IL23R: variants seen among roughly 807,000 people sequenced by gnomAD.
The protein encoded by IL23R is interleukin 23 receptor.
In IL23R, 34 loss-of-function variants were observed where a neutral mutation model predicts 56.9. The observed-to-expected ratio is 0.60, with a 90% CI of 0.45 to 0.80. The LOEUF (loss-of-function observed/expected upper bound fraction) is 0.80, where lower values mean the gene tolerates loss of function less well. IL23R is among the 30% of genes least tolerant of loss of function. IL23R has a pLI of 0.00. For synonymous variants in IL23R, 230 were observed against 249.2 expected (o/e 0.92, Z 0.73); for missense variants, 635 against 730.0 (o/e 0.87, Z 1.50).
chr1:67,200,948 A>T, intron 5 of IL23R, 51 bp downstream of exon 5: 1 of 1,578,556 alleles, frequency 6.3e-7, no homozygotes. Flanking sequence ...GTTTGTGCTG[A>T]CCTTGTCAAA....
chr1:67,171,389 G>T (rs1646942188), intron 3 of IL23R, among the ~76,000 whole-genome samples: 1 of 152,164 alleles, frequency 6.6e-6, no homozygotes, highest in Non-Finnish European at 1.5e-5. Context: ...TGCTCTGAGT[G>T]TCCTGGAGGT....
intron 2 of IL23R, 80 bp downstream of exon 2, chr1:67,168,270 G>A: frequency 9.5e-7 from 1 of 1,051,938 alleles, no homozygotes; most frequent in Non-Finnish European, 1.5e-6. Flanking sequence ...ATGGTTTTAT[G>A]TTAGAATCTC....
chr1:67,169,669 C>T (rs779329843), intron 3 of IL23R, 31 bp downstream of exon 3: 8 of 1,593,100 alleles, frequency 5.0e-6, no homozygotes, highest in South Asian at 1.1e-5. Context: ...GAAATGCAAA[C>T]AAAAGCTAGT....
chr1:67,213,772 T>G (rs1444001324), intron 6 of IL23R, among the ~76,000 whole-genome samples: 1 of 152,212 alleles, frequency 6.6e-6, no homozygotes, highest in Admixed American at 6.5e-5. Flanking sequence ...CGCTTAATGA[T>G]GCATTTCTCA....
downstream of IL23R, among the ~76,000 whole-genome samples, chr1:67,262,313 G>A (rs1304417065): frequency 1.3e-5 from 2 of 152,108 alleles, no homozygotes; most frequent in Non-Finnish European, 2.9e-5. Flanking sequence ...TTTAGTAGGG[G>A]AAGAGGCCAG....
intron 5 of IL23R, among the ~76,000 whole-genome samples, chr1:67,201,556 A>AG (rs1648634894): frequency 6.6e-6 from 1 of 151,776 alleles, no homozygotes. Context: ...GAAGGCAAAA[A>AG]AAAAAAAAAC....
At chr1:67,207,125 GT>G in intron 6 of IL23R, 70 bp downstream of exon 6, 1 of 1,423,686 alleles carries the variant, frequency 7.0e-7, no homozygotes, top group Non-Finnish European at 9.9e-7. Context: ...AGTGGCTACA[GT>G]GGACTTATTA....
At chr1:67,155,485 A>G (rs1646763629) in intron 1 of IL23R, among the ~76,000 whole-genome samples, 1 of 151,924 alleles carries the variant, frequency 6.6e-6, no homozygotes, top group South Asian at 2.1e-4. Flanking sequence ...GGCTTTGTTC[A>G]TTCCTTTTCA....
Position 67,194,574 on chromosome 1 carries a change from G to A in IL23R, c.492-6163G>A, listed in dbSNP as rs140246104. Reference sequence around the variant, plus strand: ...ATTAAAACAGTGCTTTGTGGTCTAGGTGCTAATATGGGGTAGACTTTAAAA... The same window carrying A: ...ATTAAAACAGTGCTTTGTGGTCTAGATGCTAATATGGGGTAGACTTTAAAA... On this transcript the variant is annotated intron_variant, in intron 4 of 10. Transcript: ENST00000347310. Among the ~76,000 whole-genome samples the A allele has an allele frequency of 2.8e-3, 427 of 152,310 alleles. 2 individuals carry two copies. Among genetic ancestry groups the A allele is most frequent in the African/African-American group, 9.9e-3 (410 of 41,566 alleles).
chr1:67,172,405 T>A (rs960054543), intron 3 of IL23R, among the ~76,000 whole-genome samples: 5 of 152,208 alleles, frequency 3.3e-5, no homozygotes, highest in African/African-American at 9.6e-5. Context: ...TATTTTAAAG[T>A]GCTGTGCTTT....
At chr1:67,232,113 AT>A (rs1032138268) in intron 7 of IL23R, among the ~76,000 whole-genome samples, 6 of 152,052 alleles carry the variant, frequency 3.9e-5, no homozygotes, top group African/African-American at 1.2e-4. Context: ...GACTGTTAAC[AT>A]TTTTTTTAAA....
intron 6 of IL23R, among the ~76,000 whole-genome samples, chr1:67,209,893 C>T (rs1277827692): frequency 6.6e-6 from 1 of 152,180 alleles, no homozygotes; most frequent in Non-Finnish European, 1.5e-5. Context: ...TAAGAGGAAT[C>T]TAATTAGCTA....
intron 4 of IL23R, among the ~76,000 whole-genome samples, chr1:67,190,707 A>C (rs1261522272): frequency 6.6e-6 from 1 of 152,228 alleles, no homozygotes; most frequent in Non-Finnish European, 1.5e-5. Flanking sequence ...ATATTTAAAA[A>C]AAAGAGATCA....
intron 6 of IL23R, among the ~76,000 whole-genome samples, chr1:67,213,762 C>T (rs993006152): frequency 2.6e-5 from 4 of 152,174 alleles, no homozygotes; most frequent in East Asian, 3.8e-4. Flanking sequence ...ATGATGAAAT[C>T]GCTTAATGAT....
At chr1:67,176,852 T>A (rs1287652540) in intron 3 of IL23R, among the ~76,000 whole-genome samples, 1 of 152,198 alleles carries the variant, frequency 6.6e-6, no homozygotes, top group African/African-American at 2.4e-5. Flanking sequence ...GTTCTCATTG[T>A]TCAGTTCCCA....
At chr1:67,224,702 A>T (rs375674441) in intron 7 of IL23R, among the ~76,000 whole-genome samples, 1 of 152,228 alleles carries the variant, frequency 6.6e-6, no homozygotes, top group South Asian at 2.1e-4. Flanking sequence ...TTAGACTTTA[A>T]TAGGACAAAC....
intron 3 of IL23R, among the ~76,000 whole-genome samples, chr1:67,176,793 A>C (rs1359502715): frequency 6.6e-6 from 1 of 151,798 alleles, no homozygotes; most frequent in African/African-American, 2.4e-5. Flanking sequence ...CCCTCCTCCC[A>C]CCACACAACT....
intron 10 of IL23R, among the ~76,000 whole-genome samples, chr1:67,257,236 C>A (rs41494046): frequency 6.6e-6 from 1 of 152,030 alleles, no homozygotes; most frequent in African/African-American, 2.4e-5. Flanking sequence ...GCTTAGTCGG[C>A]TTGGGTGGCT....
intron 7 of IL23R, among the ~76,000 whole-genome samples, chr1:67,222,193 T>G (rs1650324970): frequency 7.5e-6 from 1 of 133,982 alleles, no homozygotes; most frequent in African/African-American, 2.8e-5. Flanking sequence ...CTCGGCTCAC[T>G]GCAACCTCCA....
Sources: gnomAD v4.1 joint callset for allele counts (sites outside exome capture counted in the v4.1 genomes callset) on GRCh38, gnomAD v4.1.1 for gene constraint, MANE v1.5 for transcripts, NCBI Gene and HGNC (gene_info 2026-07-23, HGNC 2026-07-21) for gene names.